Variants in CDH4 observed in about 807,000 individuals in gnomAD.
CDH4 encodes cadherin-4.
A neutral mutation model predicts 86.0 loss-of-function variants in CDH4; 33 were observed. The ratio of observed to expected loss-of-function variants is 0.38; its 90% CI spans 0.29 to 0.51. The LOEUF (loss-of-function observed/expected upper bound fraction) is 0.51, where lower values mean the gene tolerates loss of function less well. CDH4 is among the 20% of genes least tolerant of loss of function. The probability of loss-of-function intolerance (pLI) is 0.86; values close to 1 mark genes in which losing one functional copy is unlikely to be tolerated. For synonymous variants in CDH4, 555 were observed against 549.4 expected, an observed-to-expected ratio of 1.01 and a Z score of -0.14; for missense variants, 1,114 against 1,307.4, an observed-to-expected ratio of 0.85 and a Z score of 2.28.
intron 2 of CDH4, among the ~76,000 whole-genome samples, chr20:61,373,802 G>A (rs1291886784): frequency 6.6e-6 from 1 of 152,174 alleles, no homozygotes; most frequent in East Asian, 1.9e-4. Context: ...ACACATCGAG[G>A]GCAACATAAA....
intron 2 of CDH4, among the ~76,000 whole-genome samples, chr20:61,605,797 A>G (rs2086640523): frequency 6.6e-6 from 1 of 151,998 alleles, no homozygotes; most frequent in African/African-American, 2.4e-5. Flanking sequence ...GGTTTTGCAC[A>G]TGAGTGAAGG....
intron 2 of CDH4, among the ~76,000 whole-genome samples, chr20:61,405,420 A>C (rs1351725311): frequency 6.6e-6 from 1 of 151,914 alleles, no homozygotes; most frequent in Non-Finnish European, 1.5e-5. Flanking sequence ...AGGGGCTGTG[A>C]GCCTCTCCCG....
At position 61,393,470 on chromosome 20, in the gene CDH4, C is replaced by A. The variant is rs2084998209; in HGVS notation, c.169+138533C>A. Among the ~76,000 whole-genome samples the A allele has an allele frequency of 6.6e-6, 1 of 152,182 alleles. No homozygotes were observed. The highest frequency in any genetic ancestry group is 2.1e-4 in the South Asian group (1 of 4,828). On this transcript the variant is annotated intron_variant, in intron 2 of 15. Transcript: ENST00000614565. The surrounding 1 kb of genome is among the most constrained non-coding windows in gnomAD (Gnocchi z 4.3). Reference sequence around the variant, plus strand: ...GGATGCTTTGATCGCTGGCAGTAAGCGACACGCTGAACCACAACTTTCTTT... The same window carrying A: ...GGATGCTTTGATCGCTGGCAGTAAGAGACACGCTGAACCACAACTTTCTTT...
At chr20:61,916,133 G>T (rs2054901044) in intron 9 of CDH4, among the ~76,000 whole-genome samples, 1 of 148,826 alleles carries the variant, frequency 6.7e-6, no homozygotes, top group Admixed American at 6.7e-5. Context: ...GCATTCTTTG[G>T]TAGAGACGTC....
chr20:61,686,661 G>A (rs1369294485), intron 2 of CDH4, among the ~76,000 whole-genome samples: 5 of 150,874 alleles, frequency 3.3e-5, no homozygotes, highest in African/African-American at 7.3e-5. Context: ...GTGTGCATTC[G>A]CGTGTATGTG....
rs1256534540 is a variant in CDH4 at position 61,544,471 on chromosome 20, C to T, written c.170-199092C>T. On this transcript the variant is annotated intron_variant, in intron 2 of 15. Transcript: ENST00000614565. The surrounding 1 kb of genome is among the most constrained non-coding windows in gnomAD (Gnocchi z 6.5). ...TGGGAGCGCAGTGGGAGCCGCAGGG[C>T]ATCGGGGTCTTCGAAGGAAAGCCCG... is the stretch of plus-strand genomic sequence containing the variant. Among the ~76,000 whole-genome samples the T allele has an allele frequency of 1.3e-5, 2 of 151,874 alleles. No homozygotes were observed. The highest frequency in any genetic ancestry group is 4.8e-5 in the African/African-American group (2 of 41,336).
chr20:61,570,524 C>A, intron 2 of CDH4: 2 of 616,438 alleles, frequency 3.2e-6, no homozygotes, highest in South Asian at 1.9e-5. Context: ...ATGAGAAGGT[C>A]GATGACAAGG....
intron 2 of CDH4, among the ~76,000 whole-genome samples, chr20:61,634,553 T>G (rs1230531949): frequency 6.6e-6 from 1 of 152,200 alleles, no homozygotes; most frequent in Non-Finnish European, 1.5e-5. Flanking sequence ...GAGCAGACTT[T>G]GCAGGAAGCA....
intron 2 of CDH4, among the ~76,000 whole-genome samples, chr20:61,291,117 C>T (rs2427034): frequency 0.25 from 37,920 of 152,060 alleles, 4,849 homozygotes; most frequent in Middle Eastern, 0.32. Context: ...GCAGTCCCTG[C>T]GAGTGAGAAC....
chr20:61,328,328 A>G (rs1021071570), intron 2 of CDH4, among the ~76,000 whole-genome samples: 5 of 152,042 alleles, frequency 3.3e-5, no homozygotes, highest in African/African-American at 1.2e-4. Context: ...GGTGCATGCC[A>G]CCATGCCTGG....
At chr20:61,700,471 C>T (rs1003079412) in intron 2 of CDH4, among the ~76,000 whole-genome samples, 12 of 152,178 alleles carry the variant, frequency 7.9e-5, no homozygotes, top group African/African-American at 2.7e-4. Context: ...TTTACTCCAG[C>T]GCATGACAGA....
intron 2 of CDH4, among the ~76,000 whole-genome samples, chr20:61,291,604 G>A (rs148352140): frequency 6.1e-4 from 93 of 152,364 alleles, no homozygotes; most frequent in African/African-American, 2.1e-3. Flanking sequence ...CTCCCTGAGA[G>A]CCTTTGTTCC....
At chr20:61,728,008 C>A (rs1156783596) in intron 2 of CDH4, among the ~76,000 whole-genome samples, 5 of 152,212 alleles carry the variant, frequency 3.3e-5, no homozygotes, top group African/African-American at 1.2e-4. Context: ...GTAGGAAGCA[C>A]CTGCGCCTCT....
Position 61,480,230 on chromosome 20 carries a change from G to A in CDH4, c.169+225293G>A, listed in dbSNP as rs2085561234. On this transcript the variant is annotated intron_variant, in intron 2 of 15. Coordinates refer to ENST00000614565, the MANE Select transcript of CDH4 (RefSeq NM_001794.5). The surrounding 1 kb of genome is among the most constrained non-coding windows in gnomAD (Gnocchi z 5.2). ...CAATCCATCTCTTCCACCCCAGGAG[G>A]ACCCCAGGCTCCCCCTCTCGTGGTA... Among the ~76,000 whole-genome samples, 2 of 152,018 alleles carry A rather than the reference G, an allele frequency of 1.3e-5. No individual in the cohort carries two copies. Among genetic ancestry groups the A allele is most frequent in the South Asian group, 4.2e-4 (2 of 4,810 alleles).
chr20:61,277,408 G>C (rs1304984507), intron 2 of CDH4, among the ~76,000 whole-genome samples: 2 of 152,192 alleles, frequency 1.3e-5, no homozygotes, highest in Non-Finnish European at 2.9e-5. Context: ...AGCAGCGAGA[G>C]AAGTGTGAGG....
At chr20:61,571,442 A>G (rs968120828) in intron 2 of CDH4, among the ~76,000 whole-genome samples, 3 of 152,184 alleles carry the variant, frequency 2.0e-5, no homozygotes, top group Non-Finnish European at 4.4e-5. Flanking sequence ...GCGCCATGGC[A>G]GGGAGTGACT....
intron 2 of CDH4, among the ~76,000 whole-genome samples, chr20:61,700,777 T>G (rs922894006): frequency 5.9e-5 from 9 of 152,226 alleles, no homozygotes; most frequent in African/African-American, 1.7e-4. Context: ...ATGTCTGTCT[T>G]CATGGCCCAG....
chr20:61,842,509 C>T (rs1025633580), intron 4 of CDH4, among the ~76,000 whole-genome samples: 1 of 152,198 alleles, frequency 6.6e-6, no homozygotes, highest in African/African-American at 2.4e-5. Context: ...ACGGTATCTC[C>T]AGGTGTGTGT....
At chr20:61,405,497 G>A (rs1204632637) in intron 2 of CDH4, among the ~76,000 whole-genome samples, 1 of 151,970 alleles carries the variant, frequency 6.6e-6, no homozygotes, top group East Asian at 1.9e-4. Flanking sequence ...ACGACGCGCT[G>A]TCACCGCAGC....
Sources: gnomAD v4.1 joint callset for allele counts (sites outside exome capture counted in the v4.1 genomes callset) on GRCh38, gnomAD v4.1.1 for gene constraint, Gnocchi (gnomAD v3.1) non-coding constraint, MANE v1.5 for transcripts, NCBI Gene and HGNC (gene_info 2026-07-23, HGNC 2026-07-21) for gene names.